The following PUM1 variants were observed in gnomAD, a reference collection of about 807,000 sequenced individuals.
PUM1 encodes pumilio RNA binding family member 1.
Under a neutral mutation model 131.8 loss-of-function variants are expected in PUM1, and 13 were observed. That is an observed-to-expected ratio of 0.10 (90% CI 0.06 to 0.16). The LOEUF (loss-of-function observed/expected upper bound fraction) is 0.16, where lower values mean the gene tolerates loss of function less well. Among genes scored for constraint, PUM1 ranks in the 10% least tolerant of loss-of-function variants. PUM1 has a pLI of 1.00. For synonymous variants in PUM1, 509 were observed against 556.5 expected (o/e 0.91, Z 1.20); for missense variants, 961 against 1,512.4 (o/e 0.64, Z 6.05).
chr1:30,995,770 G>T (rs575051951), intron 5 of PUM1, among the ~76,000 whole-genome samples: 1 of 152,102 alleles, frequency 6.6e-6, no homozygotes, highest in South Asian at 2.1e-4. Flanking sequence ...ACCTGATCTT[G>T]GGATATATGC....
In PUM1 at chr1:30,995,215, T is replaced by A; in HGVS notation, c.726A>T (p.Pro242=). ...DSCLRKGGFG[P]RDADSDENDK... Reference sequence around the variant, plus strand: ...CGTTTTCATCACTGTCTGCATCCCTTGGGCCCTGTTTAAAAAATAGCTTCA... The same window carrying A: ...CGTTTTCATCACTGTCTGCATCCCTAGGGCCCTGTTTAAAAAATAGCTTCA... The change falls in exon 6 of 22, where the codon CCA becomes CCT. Residue 242 remains proline (P), a synonymous_variant. Transcript: ENST00000426105. 1 of 1,613,636 alleles carries A rather than the reference T, an allele frequency of 6.2e-7. No individual in the cohort carries two copies.
At chr1:30,969,376 A>C (rs1372406257) in intron 10 of PUM1, among the ~76,000 whole-genome samples, 2 of 151,552 alleles carry the variant, frequency 1.3e-5, no homozygotes, top group Admixed American at 1.3e-4. Context: ...GAGGGGTTCC[A>C]GACAAGATGA....
intron 7 of PUM1, among the ~76,000 whole-genome samples, chr1:30,985,158 G>A (rs1641500281): frequency 6.6e-6 from 1 of 152,122 alleles, no homozygotes; most frequent in Non-Finnish European, 1.5e-5. Flanking sequence ...TATGTAACAT[G>A]GCAGGTTGCT....
At chr1:30,949,602 C>T (rs560510300) in intron 17 of PUM1, among the ~76,000 whole-genome samples, 124 of 151,820 alleles carry the variant, frequency 8.2e-4, no homozygotes, top group African/African-American at 2.8e-3. Flanking sequence ...ATGGCTCTTC[C>T]CCACCAGAAT....
At chr1:30,942,608 G>A (rs529152039) in intron 18 of PUM1, among the ~76,000 whole-genome samples, 107 of 152,198 alleles carry the variant, frequency 7.0e-4, no homozygotes, top group African/African-American at 2.5e-3. Context: ...CTTTTGCTGG[G>A]TTTGGAGCAA....
At chr1:31,022,745 C>T (rs916119700) in intron 3 of PUM1, among the ~76,000 whole-genome samples, 1 of 152,208 alleles carries the variant, frequency 6.6e-6, no homozygotes. Context: ...GATCTTGTTC[C>T]TCCAGACCAC....
intron 5 of PUM1, among the ~76,000 whole-genome samples, chr1:31,000,624 A>C (rs1642174088): frequency 6.6e-6 from 1 of 152,106 alleles, no homozygotes; most frequent in Non-Finnish European, 1.5e-5. Context: ...TCTATTTACT[A>C]CTCTTACTGC....
chr1:31,059,174 T>C, intron 2 of PUM1, 30 bp downstream of exon 2: 1 of 1,528,688 alleles, frequency 6.5e-7, no homozygotes, highest in South Asian at 1.3e-5. Context: ...TAAAGGAATG[T>C]CAAAGCTAAA....
At chr1:31,055,577 T>C (rs939901580) in intron 2 of PUM1, among the ~76,000 whole-genome samples, 5 of 152,172 alleles carry the variant, frequency 3.3e-5, no homozygotes, top group Non-Finnish European at 7.4e-5. Context: ...GCCCAAAGAA[T>C]TGTGTTGTAA....
intron 15 of PUM1, 115 bp from the exon 16 acceptor site, chr1:30,952,478 G>GCA: frequency 7.0e-7 from 1 of 1,436,750 alleles, no homozygotes; most frequent in East Asian, 2.4e-5. Flanking sequence ...GAGCATGTGT[G>GCA]CACACACATG....
At position 31,058,434 on chromosome 1, in the gene PUM1, G is replaced by C. The variant is rs562643975; in HGVS notation, c.363+770C>G. Among the ~76,000 whole-genome samples, 14 of 152,188 alleles carry C rather than the reference G, an allele frequency of 9.2e-5. No individual in the cohort carries two copies. The South Asian group carries it at 2.5e-3, about 27-fold the overall frequency. On this transcript the variant is annotated intron_variant, in intron 2 of 21. Coordinates refer to ENST00000426105, the MANE Select transcript of PUM1 (RefSeq NM_001020658.2). ...CCAGCACTTTGGGAGGCCGAGATGG[G>C]TGGATCACGAGGTCAGGAGATAGAG...
chr1:30,966,323 C>T (rs746658626), intron 12 of PUM1, 45 bp from the exon 13 acceptor site: 11 of 1,510,152 alleles, frequency 7.3e-6, no homozygotes, highest in Non-Finnish European at 9.7e-6. Context: ...AGGGACTGGC[C>T]ACATTTCCAA....
At chr1:30,969,365 G>C (rs763809852) in intron 10 of PUM1, among the ~76,000 whole-genome samples, 1 of 151,390 alleles carries the variant, frequency 6.6e-6, no homozygotes, top group Non-Finnish European at 1.5e-5. Flanking sequence ...ATGGGGGTTG[G>C]GAGGGGTTCC....
chr1:30,969,316 C>CAAAAAAAAAAAAAA (rs763999971), intron 10 of PUM1, among the ~76,000 whole-genome samples: 26 of 51,146 alleles, frequency 5.1e-4, no homozygotes, highest in East Asian at 1.0e-3. Context: ...AACACACACA[C>CAAAAAAAAAAAAAA]AAAAAAAAAA....
chr1:30,974,074 C>T (rs1328527175), intron 10 of PUM1, among the ~76,000 whole-genome samples: 1 of 146,506 alleles, frequency 6.8e-6, no homozygotes, highest in Admixed American at 6.9e-5. Context: ...GGCGACAGAG[C>T]TAGACTCCAT....
intron 14 of PUM1, among the ~76,000 whole-genome samples, chr1:30,958,825 T>C (rs947755442): frequency 2.6e-5 from 4 of 152,214 alleles, no homozygotes; most frequent in Non-Finnish European, 4.4e-5. Flanking sequence ...TTAATAATAC[T>C]GTTAAATTGA....
At chr1:30,973,818 C>T (rs549899219) in intron 10 of PUM1, among the ~76,000 whole-genome samples, 8 of 151,938 alleles carry the variant, frequency 5.3e-5, no homozygotes, top group African/African-American at 1.9e-4. Flanking sequence ...TGGCCAGGCA[C>T]GGTGGTCACG....
At chr1:30,991,323 A>G (rs895934514) in intron 7 of PUM1, among the ~76,000 whole-genome samples, 1 of 152,202 alleles carries the variant, frequency 6.6e-6, no homozygotes, top group African/African-American at 2.4e-5. Context: ...ATTTAACCTT[A>G]TATGAATATG....
intron 4 of PUM1, 29 bp downstream of exon 4, chr1:31,006,964 AT>A (rs1642419853): frequency 6.5e-7 from 1 of 1,542,580 alleles, no homozygotes; most frequent in Non-Finnish European, 8.9e-7. Flanking sequence ...ACAGGCATAA[AT>A]CACAGTACAG....
Sources: allele counts gnomAD v4.1 joint callset (sites outside exome capture counted in the v4.1 genomes callset), GRCh38; gene constraint gnomAD v4.1.1; transcripts MANE v1.5; gene names NCBI Gene and HGNC (gene_info 2026-07-23, HGNC 2026-07-21).